The following PHF20 variants were observed in gnomAD, a reference collection of about 807,000 sequenced individuals.
The protein encoded by PHF20 is glioma-expressed antigen 2.
In PHF20, 23 loss-of-function variants were observed where a neutral mutation model predicts 113.5. The observed-to-expected ratio is 0.20, with a 90% CI of 0.15 to 0.29. The LOEUF (loss-of-function observed/expected upper bound fraction) is 0.29, where lower values mean the gene tolerates loss of function less well. PHF20 is among the 10% of genes least tolerant of loss of function. PHF20 has a pLI of 1.00. For synonymous variants in PHF20, 434 were observed against 457.3 expected, an observed-to-expected ratio of 0.95 and a Z score of 0.65; for missense variants, 943 against 1,219.6, an observed-to-expected ratio of 0.77 and a Z score of 3.38.
intron 2 of PHF20, among the ~76,000 whole-genome samples, chr20:35,804,457 C>A (rs1049296798): frequency 6.6e-6 from 1 of 152,016 alleles, no homozygotes; most frequent in Middle Eastern, 3.4e-3. Flanking sequence ...AGGATGGTTG[C>A]GATCTCCTGA....
intron 1 of PHF20, among the ~76,000 whole-genome samples, chr20:35,799,341 C>T (rs547047396): frequency 6.7e-6 from 1 of 149,986 alleles, no homozygotes; most frequent in Non-Finnish European, 1.5e-5. Flanking sequence ...TGACGCATGC[C>T]TGTGATTCCA....
intron 2 of PHF20, among the ~76,000 whole-genome samples, chr20:35,836,533 T>G (rs2042442808): frequency 6.6e-6 from 1 of 152,292 alleles, no homozygotes; most frequent in Middle Eastern, 3.4e-3. Flanking sequence ...TCGGTTGATA[T>G]CTTTAAAAAA....
intron 10 of PHF20, among the ~76,000 whole-genome samples, chr20:35,901,179 C>G (rs1335504250): frequency 1.3e-5 from 2 of 152,006 alleles, no homozygotes; most frequent in African/African-American, 4.8e-5. Context: ...AATCCCAGCA[C>G]TTTGGGAGGT....
intron 12 of PHF20, among the ~76,000 whole-genome samples, chr20:35,914,856 C>T (rs920273639): frequency 1.3e-5 from 2 of 149,280 alleles, no homozygotes; most frequent in Non-Finnish European, 3.0e-5. Context: ...CCCAGCTACT[C>T]GGGAGGTTGA....
intron 15 of PHF20, among the ~76,000 whole-genome samples, chr20:35,935,195 G>A (rs563947290): frequency 6.6e-6 from 1 of 152,038 alleles, no homozygotes; most frequent in East Asian, 1.9e-4. Flanking sequence ...TAATAGGGCT[G>A]AACTTTTTAA....
intron 2 of PHF20, among the ~76,000 whole-genome samples, chr20:35,813,557 G>A (rs2042013567): frequency 6.6e-6 from 1 of 151,880 alleles, no homozygotes. Context: ...TTAGGAAAGG[G>A]TATTTAGAAA....
At chr20:35,804,408 GTATTTTTT>G (rs1174134794) in intron 2 of PHF20, among the ~76,000 whole-genome samples, 15 of 151,704 alleles carry the variant, frequency 9.9e-5, no homozygotes, top group South Asian at 4.2e-4. Flanking sequence ...TAATTTTTTT[GTATTTTTT>G]TAGTAGAGAC....
chr20:35,803,954 A>G (rs900466970), intron 2 of PHF20, among the ~76,000 whole-genome samples: 26 of 151,958 alleles, frequency 1.7e-4, no homozygotes, highest in African/African-American at 6.0e-4. Context: ...TCCTGGGCTC[A>G]AGTGATCCTC....
chr20:35,945,968 G>A (rs1600983118), intron 17 of PHF20, among the ~76,000 whole-genome samples: 2 of 152,060 alleles, frequency 1.3e-5, no homozygotes, highest in Admixed American at 6.6e-5. Context: ...TCAGGAGTTC[G>A]AGGCCAGCCT....
chr20:35,794,344 G>A (rs2041625991), intron 1 of PHF20, among the ~76,000 whole-genome samples: 1 of 151,684 alleles, frequency 6.6e-6, no homozygotes, highest in Admixed American at 6.6e-5. Context: ...TTATGTATGT[G>A]CTTATCTTGT....
chr20:35,828,093 G>C (rs954168401), intron 2 of PHF20, among the ~76,000 whole-genome samples: 1 of 151,852 alleles, frequency 6.6e-6, no homozygotes, highest in African/African-American at 2.4e-5. Context: ...GCATGATCTC[G>C]GCCCACCACA....
chr20:35,860,021 A>G (rs2054189975), intron 5 of PHF20, among the ~76,000 whole-genome samples: 1 of 152,092 alleles, frequency 6.6e-6, no homozygotes, highest in African/African-American at 2.4e-5. Context: ...CCCAAGTTAA[A>G]GTGATTCTCG....
chr20:35,822,471 G>A (rs1320771877), intron 2 of PHF20, among the ~76,000 whole-genome samples: 1 of 151,584 alleles, frequency 6.6e-6, no homozygotes. Flanking sequence ...TTGGTAATGA[G>A]TAAATGGGAT....
intron 2 of PHF20, among the ~76,000 whole-genome samples, chr20:35,811,680 TC>T (rs1213158579): frequency 6.6e-6 from 1 of 152,196 alleles, no homozygotes; most frequent in Non-Finnish European, 1.5e-5. Context: ...CCTCAGGTGA[TC>T]CACCTGCCTT....
Position 35,917,527 on chromosome 20 carries a change from G to A in PHF20, c.1869G>A (p.Trp623Ter). 1 of 1,614,056 alleles carries A rather than the reference G, an allele frequency of 6.2e-7. No homozygotes were observed. Among genetic ancestry groups the A allele is most frequent in the Non-Finnish European group, 8.5e-7 (1 of 1,179,966 alleles). ...AGTCCTCTTCTGAGAGCTTTCTCTG[G>A]AGTGATGATGAGTATGGCCAAGATG... ...LSESSSESFL[W>*]SDDEYGQDVD... The change falls in exon 13 of 18, where the codon TGG becomes TGA. Residue 623 changes from tryptophan to a stop codon, truncating the protein, a stop_gained. Coordinates refer to ENST00000374012, the MANE Select transcript of PHF20 (RefSeq NM_016436.5). LOFTEE classifies it high-confidence loss of function.
At position 35,917,534 on chromosome 20, in the gene PHF20, G is replaced by A. The variant is rs139288054; in HGVS notation, c.1876G>A (p.Asp626Asn). 1.5e-4 allele frequency: 244 copies of A among 1,614,084 alleles called. 2 individuals carry two copies. The highest frequency in any genetic ancestry group is 6.5e-5 in the Non-Finnish European group (77 of 1,179,980). Reference sequence around the variant, plus strand: ...TTCTGAGAGCTTTCTCTGGAGTGATGATGAGTATGGCCAAGATGTGGATGT... The same window carrying A: ...TTCTGAGAGCTTTCTCTGGAGTGATAATGAGTATGGCCAAGATGTGGATGT... ...SSSESFLWSDDEYGQDVDVTT... is the reference protein window; with the variant it reads ...SSSESFLWSDNEYGQDVDVTT... The change falls in exon 13 of 18, where the codon GAT becomes AAT. Residue 626 changes from aspartate (D) to asparagine (N), a missense_variant. Around this residue, in one of 3 missense-constraint regions of PHF20, gnomAD observed 592 missense variants for 787.2 expected, o/e 0.75. Coordinates refer to ENST00000374012, the MANE Select transcript of PHF20 (RefSeq NM_016436.5).
intron 13 of PHF20, among the ~76,000 whole-genome samples, chr20:35,922,382 G>A (rs1180874376): frequency 1.3e-5 from 2 of 152,146 alleles, no homozygotes; most frequent in Admixed American, 1.3e-4. Context: ...CATCTAATTA[G>A]GAAGACAGGA....
At chr20:35,793,995 C>CAAAAAAAAAAAAAAAAAAAA (rs56189104) in intron 1 of PHF20, among the ~76,000 whole-genome samples, 13 of 33,838 alleles carry the variant, frequency 3.8e-4, no homozygotes, top group African/African-American at 5.1e-4. Flanking sequence ...GACTCTGTCT[C>CAAAAAAAAAAAAAAAAAAAA]AAAAAAAAAA....
intron 1 of PHF20, among the ~76,000 whole-genome samples, chr20:35,783,833 AT>A (rs962359366): frequency 6.6e-6 from 1 of 151,898 alleles, no homozygotes; most frequent in Admixed American, 6.6e-5. Context: ...AATACAAAAA[AT>A]TAGCCGGGCA....
Sources: allele counts gnomAD v4.1 joint callset (sites outside exome capture counted in the v4.1 genomes callset), GRCh38; gene constraint gnomAD v4.1.1; regional missense constraint gnomAD v4.1.1; transcripts MANE v1.5; gene names NCBI Gene and HGNC (gene_info 2026-07-23, HGNC 2026-07-21).